Variants in CCDC40 observed in about 807,000 individuals in gnomAD.
CCDC40 encodes the protein coiled-coil domain-containing protein 40.
A neutral mutation model predicts 124.5 loss-of-function variants in CCDC40; 104 were observed. That is an observed-to-expected ratio of 0.84 (90% CI 0.71 to 0.98). The LOEUF (loss-of-function observed/expected upper bound fraction) is 0.98, where lower values mean the gene tolerates loss of function less well. Among genes scored for constraint, CCDC40 ranks in the 50% least tolerant of loss-of-function variants. The probability of loss-of-function intolerance (pLI) is 0.00; values close to 1 mark genes in which losing one functional copy is unlikely to be tolerated. For missense variants in CCDC40, 1,463 were observed against 1,503.9 expected (o/e 0.97, Z 0.45); for synonymous variants, 580 against 602.9 (o/e 0.96, Z 0.56).
chr17:80,098,676 T>C (rs60804615), intron 19 of CCDC40, among the ~76,000 whole-genome samples: 74,846 of 152,046 alleles, frequency 0.49, 19,023 homozygotes, highest in African/African-American at 0.6. Context: ...CGGTGGCTCA[T>C]GCCTGTAATC....
At chr17:80,072,474 C>G (rs2038216915) in intron 10 of CCDC40, among the ~76,000 whole-genome samples, 1 of 152,124 alleles carries the variant, frequency 6.6e-6, no homozygotes, top group African/African-American at 2.4e-5. Flanking sequence ...AATTGGGCAT[C>G]TTATTTTTAT....
Position 80,083,998 on chromosome 17 carries a change from A to G in CCDC40, c.1990-745A>G, listed in dbSNP as rs150281851. On this transcript the variant is annotated intron_variant, in intron 12 of 19. Transcript: ENST00000397545. ...TCCTATTTTTATTTTGGAGAATTAT[A>G]TAGAAAAGACTGGGAGGAAAAATGG... is the stretch of plus-strand genomic sequence containing the variant. Among the ~76,000 whole-genome samples, 720 of 152,334 alleles carry G rather than the reference A, an allele frequency of 4.7e-3. 8 individuals are homozygous for G. Among genetic ancestry groups the G allele is most frequent in the African/African-American group, 0.017 (696 of 41,576 alleles).
In CCDC40 at chr17:80,093,809, C is replaced by T. The variant is rs147231488; in HGVS notation, c.2833-1454C>T. On this transcript the variant is annotated intron_variant, in intron 17 of 19. Transcript: ENST00000397545. ...GATTACAGGCGTGAGCCACCGCACC[C>T]GGCCTGTTTTCTTATTTCTTAACAT... 7.5e-3 allele frequency among the ~76,000 whole-genome samples: 1,148 copies of T among 152,262 alleles called. 7 individuals carry two copies. Among genetic ancestry groups the T allele is most frequent in the Non-Finnish European group, 0.012 (807 of 68,008 alleles).
chr17:80,061,598 G>A (rs1288105743), intron 9 of CCDC40, among the ~76,000 whole-genome samples: 2 of 152,146 alleles, frequency 1.3e-5, no homozygotes, highest in Non-Finnish European at 2.9e-5. Context: ...TCCCCTCGAT[G>A]CAACTTCCCC....
chr17:80,063,127 G>A lies in CCDC40; in HGVS notation c.1441-2358G>A, dbSNP rs535896960. Among the ~76,000 whole-genome samples the A allele has an allele frequency of 4.6e-5, 7 of 152,074 alleles. No homozygotes were observed. In the South Asian group the frequency reaches 6.2e-4, roughly 14 times the overall value. On this transcript the variant is annotated intron_variant, in intron 9 of 19. Coordinates refer to ENST00000397545, the MANE Select transcript of CCDC40 (RefSeq NM_017950.4). ...GGAGAATTGCTTGAACTCAGGAGGC[G>A]GAAATTGCAGTGAGCCAAGATCGTG...
At position 80,087,458 on chromosome 17, in the gene CCDC40, G is replaced by A. The variant is rs1345147381; in HGVS notation, c.2450-149G>A. The A allele has an allele frequency of 1.4e-6, 1 of 707,778 alleles. No homozygotes were observed. Among genetic ancestry groups the A allele is most frequent in the Non-Finnish European group, 2.6e-6 (1 of 386,142 alleles). The allele number at this position is 707,778 out of a possible 1,614,324, so 43.8% of individuals were successfully genotyped here. A position where few individuals can be genotyped will look rare whatever the true frequency, so the allele number is the denominator to read the frequency against. On this transcript the variant is annotated intron_variant, in intron 14 of 19. Transcript: ENST00000397545. The surrounding 1 kb of genome is among the most constrained non-coding windows in gnomAD (Gnocchi z 4.5). The stretch of plus-strand genomic sequence containing the variant: ...TCTGTCCTGGCAGGGACGAGATTCA[G>A]GCAGGAGCGCCAGGAACGACAAGAG...
At chr17:80,095,555 C>A in intron 18 of CCDC40, 104 bp downstream of exon 18, 1 of 1,122,170 alleles carries the variant, frequency 8.9e-7, no homozygotes, top group Non-Finnish European at 1.3e-6. Context: ...GATGCAGAGG[C>A]TGCAGTGGGG....
At chr17:80,067,829 A>G in intron 10 of CCDC40, 1 of 1,427,192 alleles carries the variant, frequency 7.0e-7, no homozygotes, top group Non-Finnish European at 9.1e-7. Flanking sequence ...GCATGTTGTC[A>G]CACTTCAGGA....
chr17:80,071,888 G>A (rs187887440), intron 10 of CCDC40, among the ~76,000 whole-genome samples: 29 of 144,552 alleles, frequency 2.0e-4, no homozygotes, highest in East Asian at 1.0e-3. Flanking sequence ...CCAGGCTGGA[G>A]TGCAATGGTG....
chr17:80,058,210 A>G lies in CCDC40; in HGVS notation c.1160-284A>G, dbSNP rs1230155314. Among the ~76,000 whole-genome samples, 1 of 152,218 alleles carries G rather than the reference A, an allele frequency of 6.6e-6. No individual in the cohort carries two copies. The highest frequency in any genetic ancestry group is 1.5e-5 in the Non-Finnish European group (1 of 68,032). On this transcript the variant is annotated intron_variant, in intron 7 of 19. Transcript: ENST00000397545. The surrounding 1 kb of genome is among the most constrained non-coding windows in gnomAD (Gnocchi z 4.2). The stretch of plus-strand genomic sequence containing the variant: ...TGGCACTACTTCAGTGTATCCTTAG[A>G]CTACCAGGAGGATCTCTGAGACTTG...
intron 3 of CCDC40, among the ~76,000 whole-genome samples, chr17:80,045,907 G>GCCA (rs1435144964): frequency 1.3e-5 from 2 of 150,710 alleles, no homozygotes; most frequent in Admixed American, 1.3e-4. Context: ...TTGGACTGAT[G>GCCA]CCACCCTGTT....
intron 16 of CCDC40, chr17:80,088,530 T>G (rs2143756169): frequency 3.4e-6 from 1 of 290,266 alleles, no homozygotes; most frequent in South Asian, 3.2e-5. Context: ...GGGATTACAT[T>G]CATGAGCCAC....
In CCDC40 at chr17:80,087,771, C is replaced by T. The variant is rs1351266176; in HGVS notation, c.2614C>T (p.Leu872=). ...RVTENEFVRS[L]KASERETIKM... ...GACAGAGAATGAGTTCGTGCGCTCG[C>T]TGAAGGTCCGGCCGTGTCCACGCAG... Residue 872 remains leucine (L), a synonymous_variant, in exon 15 of 20, where the codon CTG becomes TTG. Coordinates refer to ENST00000397545, the MANE Select transcript of CCDC40 (RefSeq NM_017950.4). This position sits in a 1 kb window ranked among gnomAD's most constrained non-coding sequence, Gnocchi z 4.5. 5 of 1,613,952 alleles carry T rather than the reference C, an allele frequency of 3.1e-6. No homozygotes were observed. Among genetic ancestry groups the T allele is most frequent in the Admixed American group, 1.7e-5 (1 of 60,008 alleles).
intron 10 of CCDC40, among the ~76,000 whole-genome samples, chr17:80,071,462 T>C (rs1260503310): frequency 6.6e-6 from 1 of 152,222 alleles, no homozygotes; most frequent in Non-Finnish European, 1.5e-5. Flanking sequence ...GGACACCTCC[T>C]GTGTCCCCCC....
chr17:80,049,506 G>A (rs1019843614), intron 5 of CCDC40, among the ~76,000 whole-genome samples: 9 of 151,950 alleles, frequency 5.9e-5, no homozygotes, highest in African/African-American at 1.5e-4. Context: ...CAATTGGATC[G>A]CAGCTCCCTG....
chr17:80,040,370 C>G, intron 3 of CCDC40, 100 bp downstream of exon 3: 1 of 1,163,890 alleles, frequency 8.6e-7, no homozygotes, highest in South Asian at 1.3e-5. Flanking sequence ...ATACAAATTG[C>G]AATCCCTGTT....
chr17:80,049,355 G>A (rs977938452), intron 5 of CCDC40, among the ~76,000 whole-genome samples: 1 of 148,750 alleles, frequency 6.7e-6, no homozygotes, highest in African/African-American at 2.5e-5. Context: ...CATGCAGACA[G>A]CCAAGATGGC....
At chr17:80,073,596 C>T (rs1244559481) in intron 10 of CCDC40, among the ~76,000 whole-genome samples, 1 of 152,216 alleles carries the variant, frequency 6.6e-6, no homozygotes, top group Non-Finnish European at 1.5e-5. Flanking sequence ...TGTCCCTCTC[C>T]TTGGGCCTCC....
intron 18 of CCDC40, among the ~76,000 whole-genome samples, chr17:80,096,309 C>G (rs1367836222): frequency 1.3e-5 from 2 of 152,212 alleles, no homozygotes; most frequent in East Asian, 1.9e-4. Flanking sequence ...GCCCACCTCT[C>G]AGAGTCACCC....
Sources: gnomAD v4.1 joint callset for allele counts (sites outside exome capture counted in the v4.1 genomes callset) on GRCh38, gnomAD v4.1.1 for gene constraint, Gnocchi (gnomAD v3.1) non-coding constraint, MANE v1.5 for transcripts, NCBI Gene and HGNC (gene_info 2026-07-23, HGNC 2026-07-21) for gene names.